SCTR: variants seen among roughly 807,000 people sequenced by gnomAD.
The protein encoded by SCTR is pancreatic secretin receptor.
A neutral mutation model predicts 60.8 loss-of-function variants in SCTR; 56 were observed. The observed-to-expected ratio is 0.92, with a 90% CI of 0.74 to 1.15. SCTR has a LOEUF of 1.15. Ranked by LOEUF, SCTR falls within the 50% of genes most tolerant of loss-of-function variation. SCTR has a pLI of 0.00. For missense variants in SCTR, 562 were observed against 550.4 expected, an observed-to-expected ratio of 1.02 and a Z score of -0.21; for synonymous variants, 202 against 217.0, an observed-to-expected ratio of 0.93 and a Z score of 0.61.
intron 2 of SCTR, among the ~76,000 whole-genome samples, chr2:119,481,685 C>G (rs1241470894): frequency 6.6e-6 from 1 of 152,186 alleles, no homozygotes; most frequent in Non-Finnish European, 1.5e-5. Flanking sequence ...GTACAGATGC[C>G]TCCCCCACCA....
At chr2:119,490,731 G>C (rs918087054) in intron 2 of SCTR, among the ~76,000 whole-genome samples, 1 of 152,226 alleles carries the variant, frequency 6.6e-6, no homozygotes, top group Non-Finnish European at 1.5e-5. Flanking sequence ...AGCCCTTGCA[G>C]TGGAACCTGC....
At chr2:119,478,122 G>A (rs1677417606) in intron 3 of SCTR, among the ~76,000 whole-genome samples, 1 of 152,198 alleles carries the variant, frequency 6.6e-6, no homozygotes, top group African/African-American at 2.4e-5. Context: ...TTGCTGTCCT[G>A]CATGGACCAG....
chr2:119,502,987 TAAAA>T (rs35814848), intron 1 of SCTR, among the ~76,000 whole-genome samples: 1 of 144,456 alleles, frequency 6.9e-6, no homozygotes. Flanking sequence ...TCATCTCTAC[TAAAA>T]AAAAAAAAAT....
Position 119,446,791 on chromosome 2 carries a change from G to A in SCTR, c.1108C>T (p.Leu370=). 1.3e-6 allele frequency: 2 copies of A among 1,565,470 alleles called. No individual in the cohort carries two copies. The highest frequency in any genetic ancestry group is 1.8e-5 in the Admixed American group (1 of 54,786). ...FSPEDAMEIQ[L]FFELALGSFQ... ...GAGCCAAGGGCTAGTTCAAAAAACA[G>A]CTGGATCTCCATAGCGTCCTCTGGG... is the stretch of plus-strand genomic sequence containing the variant. Residue 370 remains leucine, a synonymous_variant, in exon 11 of 13, where the codon CTG becomes TTG. Transcript: ENST00000019103.
At chr2:119,454,170 G>C (rs1558839980) in intron 7 of SCTR, among the ~76,000 whole-genome samples, 1 of 152,168 alleles carries the variant, frequency 6.6e-6, no homozygotes, top group Non-Finnish European at 1.5e-5. Flanking sequence ...TGCTGTCTGG[G>C]GCAATGCCGC....
At chr2:119,460,427 G>GGTGA (rs1299955731) in intron 7 of SCTR, among the ~76,000 whole-genome samples, 12 of 139,808 alleles carry the variant, frequency 8.6e-5, no homozygotes, top group African/African-American at 3.6e-4. Context: ...TGTGTGCATG[G>GGTGA]GTGGGTGGGT....
intron 4 of SCTR, among the ~76,000 whole-genome samples, chr2:119,472,677 C>T (rs1677074564): frequency 6.6e-6 from 1 of 152,114 alleles, no homozygotes; most frequent in Admixed American, 6.6e-5. Context: ...TCCTGTCCTC[C>T]ATTGCCCAGG....
chr2:119,482,726 GCCGGGTAACCCTGGGCCTA>G (rs1199897723), intron 2 of SCTR, among the ~76,000 whole-genome samples: 1 of 152,200 alleles, frequency 6.6e-6, no homozygotes, highest in Non-Finnish European at 1.5e-5. Context: ...CAGCAGGCCT[GCCGGGTAACCCTGGGCCTA>G]CCCAGATGCC....
chr2:119,465,421 A>C (rs542166043), intron 5 of SCTR, among the ~76,000 whole-genome samples: 153 of 152,236 alleles, frequency 1.0e-3, no homozygotes, highest in African/African-American at 3.4e-3. Flanking sequence ...TGCCACTTAC[A>C]TGGGTCAGGT....
chr2:119,463,062 TACAC>T (rs35496213), intron 6 of SCTR, among the ~76,000 whole-genome samples: 2 of 148,300 alleles, frequency 1.3e-5, no homozygotes, highest in African/African-American at 2.5e-5. Flanking sequence ...AGTCAGAAAA[TACAC>T]ACACACACAC....
At chr2:119,450,025 CAGGA>C (rs770982398) in intron 9 of SCTR, among the ~76,000 whole-genome samples, 24 of 102,054 alleles carry the variant, frequency 2.4e-4, no homozygotes, top group Admixed American at 7.9e-4. Context: ...GGAAGGAAGG[CAGGA>C]AGGAAGGAAG....
At position 119,524,237 on chromosome 2, in the gene SCTR, C is replaced by G. The variant is rs1163822514; in HGVS notation, c.-11G>C. The stretch of plus-strand genomic sequence containing the variant: ...CAGGTGGGGACGCATGGTGCCCGCA[C>G]GTTCCCCGAGGGCGCCCCGACGTCC... On this transcript the variant is annotated 5_prime_UTR_variant, in exon 1 of 13. Transcript: ENST00000019103. 2 of 1,448,398 alleles carry G rather than the reference C, an allele frequency of 1.4e-6. No individual in the cohort carries two copies. The highest frequency in any genetic ancestry group is 3.0e-5 in the African/African-American group (2 of 67,592). The allele number at this position is 1,448,398 out of a possible 1,614,324, so 89.7% of individuals were successfully genotyped here.
At chr2:119,512,331 T>A (rs1558882243) in intron 1 of SCTR, among the ~76,000 whole-genome samples, 1 of 80,472 alleles carries the variant, frequency 1.2e-5, no homozygotes, top group South Asian at 7.6e-4. Context: ...CCCCTTCCCC[T>A]TCCCCTTCCC....
At chr2:119,469,730 T>C (rs115130794) in intron 4 of SCTR, among the ~76,000 whole-genome samples, 1,566 of 152,226 alleles carry the variant, frequency 0.01, 29 homozygotes, top group African/African-American at 0.037. Flanking sequence ...GGAGTTCAAG[T>C]GATTCTCCCA....
rs1390583502 is a variant in SCTR at position 119,473,454 on chromosome 2, CG to C, written c.403del (p.Arg135GlyfsTer6). 9 of 1,610,322 alleles carry C rather than the reference CG, an allele frequency of 5.6e-6. No homozygotes were observed. The highest frequency in any genetic ancestry group is 7.6e-6 in the Non-Finnish European group (9 of 1,176,738). The part of the protein sequence containing the change: ...VNVNDSSNEK[R>X]HSYLLKLKVM... ...TGGGGTGGAGGTTGACAGGCTTACC[CG>C]CTTCTCGTTGGAAGAGTCGTTCACA... On this transcript the variant is annotated frameshift_variant and splice_region_variant, in exon 4 of 13. Coordinates refer to ENST00000019103, the MANE Select transcript of SCTR (RefSeq NM_002980.3). LOFTEE classifies it high-confidence loss of function.
intron 2 of SCTR, among the ~76,000 whole-genome samples, chr2:119,493,581 A>G (rs943977422): frequency 1.3e-5 from 2 of 152,050 alleles, no homozygotes; most frequent in African/African-American, 4.8e-5. Flanking sequence ...TGTATTTAAC[A>G]CACTTTATCT....
At chr2:119,443,830 A>G (rs1282035336) in intron 11 of SCTR, among the ~76,000 whole-genome samples, 2 of 152,202 alleles carry the variant, frequency 1.3e-5, no homozygotes, top group Non-Finnish European at 2.9e-5. Flanking sequence ...TACAGGCGTG[A>G]GCCCCCGCGC....
At chr2:119,501,136 C>T (rs1678535704) in intron 1 of SCTR, among the ~76,000 whole-genome samples, 3 of 152,206 alleles carry the variant, frequency 2.0e-5, no homozygotes, top group Admixed American at 1.3e-4. Flanking sequence ...CTTGGCCAGG[C>T]ATCGTGGCTC....
rs192661922 is a variant in SCTR at position 119,457,104 on chromosome 2, A to G, written c.791-3757T>C. 2.1e-4 allele frequency among the ~76,000 whole-genome samples: 32 copies of G among 152,340 alleles called. No individual in the cohort carries two copies. In the East Asian group the frequency reaches 6.0e-3, roughly 28 times the overall value. On this transcript the variant is annotated intron_variant, in intron 7 of 12. Transcript: ENST00000019103. Reference sequence around the variant, plus strand: ...ATTTGTTAAGATAGCCTTAGGAACTAATACAGCAGGAAACAAACAAATAGG... The same window carrying G: ...ATTTGTTAAGATAGCCTTAGGAACTGATACAGCAGGAAACAAACAAATAGG...
Sources: allele counts gnomAD v4.1 joint callset (sites outside exome capture counted in the v4.1 genomes callset), GRCh38; gene constraint gnomAD v4.1.1; transcripts MANE v1.5; gene names NCBI Gene and HGNC (gene_info 2026-07-23, HGNC 2026-07-21).